Variants in LRRC4C observed in about 807,000 individuals in gnomAD.
LRRC4C encodes leucine-rich repeat-containing protein 4C.
LRRC4C carries 5 observed loss-of-function variants against 33.6 expected under a neutral mutation model. The ratio of observed to expected loss-of-function variants is 0.15; its 90% CI spans 0.08 to 0.31. The LOEUF (loss-of-function observed/expected upper bound fraction) is 0.31, where lower values mean the gene tolerates loss of function less well. LRRC4C is among the 10% of genes least tolerant of loss of function. The pLI, the probability that LRRC4C is intolerant of heterozygous loss-of-function variation, is 1.00. For synonymous variants in LRRC4C, 329 were observed against 302.0 expected, an observed-to-expected ratio of 1.09 and a Z score of -0.93; for missense variants, 560 against 796.7, an observed-to-expected ratio of 0.70 and a Z score of 3.58.
At chr11:41,235,474 G>A (rs536788489) in intron 1 of LRRC4C, among the ~76,000 whole-genome samples, 1 of 152,170 alleles carries the variant, frequency 6.6e-6, no homozygotes, top group South Asian at 2.1e-4. Context: ...AATTGTTGTA[G>A]ATGATGACTT....
intron 1 of LRRC4C, among the ~76,000 whole-genome samples, chr11:41,066,576 A>ACTCCAC (rs947814850): frequency 5.3e-5 from 8 of 152,082 alleles, no homozygotes; most frequent in African/African-American, 1.9e-4. Context: ...CCACTAAGAT[A>ACTCCAC]CTCCACAAGA....
At chr11:41,227,998 AT>A (rs1338399862) in intron 1 of LRRC4C, among the ~76,000 whole-genome samples, 1 of 152,114 alleles carries the variant, frequency 6.6e-6, no homozygotes, top group Non-Finnish European at 1.5e-5. Flanking sequence ...ATTTGAATGT[AT>A]TCACACTGAA....
At chr11:41,458,907 T>C (rs867741624) in intron 1 of LRRC4C, among the ~76,000 whole-genome samples, 2 of 152,102 alleles carry the variant, frequency 1.3e-5, no homozygotes, top group Middle Eastern at 6.8e-3. Flanking sequence ...TTTTCTGTAT[T>C]CCACGCATTC....
chr11:40,889,805 A>G (rs886562066), intron 2 of LRRC4C, among the ~76,000 whole-genome samples: 4 of 152,190 alleles, frequency 2.6e-5, no homozygotes, highest in African/African-American at 9.6e-5. Flanking sequence ...TGAATCCCAG[A>G]AAACTCGCTT....
chr11:40,886,481 A>G (rs1955462954), intron 2 of LRRC4C, among the ~76,000 whole-genome samples: 2 of 151,258 alleles, frequency 1.3e-5, no homozygotes, highest in African/African-American at 2.4e-5. Flanking sequence ...TAATAACCCA[A>G]TAGAAACCCT....
chr11:41,252,558 A>T (rs192773787), intron 1 of LRRC4C, among the ~76,000 whole-genome samples: 2 of 152,250 alleles, frequency 1.3e-5, no homozygotes, highest in African/African-American at 4.8e-5. Flanking sequence ...CAAGAATCAC[A>T]AGTAGTATTT....
At chr11:40,117,975 A>G (rs1422576628) in intron 6 of LRRC4C, among the ~76,000 whole-genome samples, 1 of 150,462 alleles carries the variant, frequency 6.6e-6, no homozygotes, top group Non-Finnish European at 1.5e-5. Context: ...TATATGATAG[A>G]TATGGTTATT....
intron 3 of LRRC4C, among the ~76,000 whole-genome samples, chr11:40,419,587 A>C (rs1226573041): frequency 1.3e-5 from 2 of 152,202 alleles, no homozygotes; most frequent in African/African-American, 2.4e-5. Flanking sequence ...TAAAATCAAG[A>C]TACTCTCAGA....
At position 40,492,095 on chromosome 11, in the gene LRRC4C, T is replaced by C. The variant is rs146127092; in HGVS notation, c.-270+156047A>G. Among the ~76,000 whole-genome samples, 106 of 152,302 alleles carry C rather than the reference T, an allele frequency of 7.0e-4. 1 individual carries two copies. In the East Asian group the frequency reaches 0.016, roughly 23 times the overall value. Reference sequence around the variant, plus strand: ...AAGAGATGGCACTAGAGAGTTCAGATACAAAATAAGAGGTTAGTAAGCAAC... The same window carrying C: ...AAGAGATGGCACTAGAGAGTTCAGACACAAAATAAGAGGTTAGTAAGCAAC... On this transcript the variant is annotated intron_variant, in intron 3 of 6. Transcript: ENST00000528697.
chr11:41,001,138 A>T lies in LRRC4C; in HGVS notation c.-495-67415T>A, dbSNP rs183449284. On this transcript the variant is annotated intron_variant, in intron 1 of 6. Transcript: ENST00000528697. ...TAATATTTTTGACTGATTAAAAAAAAGATAAATCACAATTGGTAATATTGA... is the reference window on the plus strand; with the variant it reads ...TAATATTTTTGACTGATTAAAAAAATGATAAATCACAATTGGTAATATTGA... Among the ~76,000 whole-genome samples, 284 of 152,284 alleles carry T rather than the reference A, an allele frequency of 1.9e-3. 1 individual carries two copies. The highest frequency in any genetic ancestry group is 6.6e-3 in the African/African-American group (274 of 41,568).
intron 3 of LRRC4C, among the ~76,000 whole-genome samples, chr11:40,341,785 T>C (rs946295661): frequency 6.6e-6 from 1 of 152,232 alleles, no homozygotes; most frequent in Non-Finnish European, 1.5e-5. Context: ...TCACTTTTCA[T>C]ATCTCAACTT....
intron 1 of LRRC4C, among the ~76,000 whole-genome samples, chr11:41,166,055 C>A (rs75725558): frequency 0.011 from 1,637 of 150,274 alleles, 20 homozygotes; most frequent in South Asian, 0.027. Flanking sequence ...GTCCCCAAAT[C>A]TCTTGGTGTG....
At chr11:40,802,491 T>C (rs1951079040) in intron 2 of LRRC4C, among the ~76,000 whole-genome samples, 1 of 133,948 alleles carries the variant, frequency 7.5e-6, no homozygotes, top group Non-Finnish European at 1.6e-5. Context: ...ACATAATTCT[T>C]AGGAGGTTAG....
Position 40,228,596 on chromosome 11 carries a change from G to C in LRRC4C, c.-96+12923C>G, listed in dbSNP as rs529173965. Among the ~76,000 whole-genome samples, 12 of 152,320 alleles carry C rather than the reference G, an allele frequency of 7.9e-5. No individual in the cohort carries two copies. The South Asian group carries it at 2.5e-3, about 32-fold the overall frequency. ...ATAAATGCAGCATAAGGACTAGCAG[G>C]CATATTTTCCTAAAGCGCTCCACCA... On this transcript the variant is annotated intron_variant, in intron 5 of 6. Coordinates refer to ENST00000528697, the MANE Select transcript of LRRC4C (RefSeq NM_001258419.2).
intron 1 of LRRC4C, among the ~76,000 whole-genome samples, chr11:41,248,170 C>G (rs1233663649): frequency 6.6e-6 from 1 of 152,168 alleles, no homozygotes; most frequent in Non-Finnish European, 1.5e-5. Context: ...TCTTAATAAA[C>G]TAACAAATAT....
At chr11:40,179,657 C>A (rs1472153268) in intron 5 of LRRC4C, among the ~76,000 whole-genome samples, 1 of 152,102 alleles carries the variant, frequency 6.6e-6, no homozygotes, top group African/African-American at 2.4e-5. Flanking sequence ...ACCCCCGCAT[C>A]CAGCACGTGC....
intron 2 of LRRC4C, among the ~76,000 whole-genome samples, chr11:40,863,230 A>T (rs1249511698): frequency 1.3e-5 from 2 of 152,184 alleles, no homozygotes; most frequent in Non-Finnish European, 2.9e-5. Flanking sequence ...ACTCTCACTC[A>T]TGGTCTACTT....
intron 1 of LRRC4C, among the ~76,000 whole-genome samples, chr11:41,311,109 C>A (rs574938436): frequency 1.3e-5 from 2 of 152,350 alleles, no homozygotes; most frequent in East Asian, 1.9e-4. Flanking sequence ...ACTCAACTCA[C>A]AAACTAGCAG....
rs115183315 is a variant in LRRC4C, at chr11:40,832,202, T to C, written c.-407+101433A>G. On this transcript the variant is annotated intron_variant, in intron 2 of 6. Coordinates refer to ENST00000528697, the MANE Select transcript of LRRC4C (RefSeq NM_001258419.2). ...CACCATTGCAATACAATGGTAAGTA[T>C]TGTTCATCTAAACATATCTAAACAA... is the stretch of plus-strand genomic sequence containing the variant. Among the ~76,000 whole-genome samples, 871 of 152,206 alleles carry C rather than the reference T, an allele frequency of 5.7e-3. 9 individuals are homozygous for C. Among genetic ancestry groups the C allele is most frequent in the African/African-American group, 0.02 (832 of 41,548 alleles).
Sources: allele counts gnomAD v4.1 joint callset (sites outside exome capture counted in the v4.1 genomes callset), GRCh38; gene constraint gnomAD v4.1.1; transcripts MANE v1.5; gene names NCBI Gene and HGNC (gene_info 2026-07-23, HGNC 2026-07-21).